Variants in SORT1 observed in about 807,000 individuals in gnomAD.
SORT1 encodes the protein sortilin.
A neutral mutation model predicts 101.7 loss-of-function variants in SORT1; 39 were observed. That is an observed-to-expected ratio of 0.38 (90% CI 0.30 to 0.50). The LOEUF is 0.50. SORT1 is among the 20% of genes least tolerant of loss of function. The probability of loss-of-function intolerance (pLI) is 0.90; values close to 1 mark genes in which losing one functional copy is unlikely to be tolerated. For synonymous variants in SORT1, 396 were observed against 393.7 expected, an observed-to-expected ratio of 1.01 and a Z score of -0.07; for missense variants, 878 against 1,040.4, an observed-to-expected ratio of 0.84 and a Z score of 2.15.
In SORT1 at chr1:109,314,123, G is replaced by A. The variant is rs1570876604; in HGVS notation, c.2482-66C>T. 10 of 1,609,156 alleles carry A rather than the reference G, an allele frequency of 6.2e-6. No individual in the cohort carries two copies. The East Asian group carries it at 2.2e-4, about 36-fold the overall frequency. ...CTCCTATTTCAAAAGCAATCACCTA[G>A]TTTCTGGGCTTGCCAAATCTTATGG... On this transcript the variant is annotated intron_variant, in intron 19 of 19. Coordinates refer to ENST00000256637, the MANE Select transcript of SORT1 (RefSeq NM_002959.7).
chr1:109,372,766 G>C (rs1357412318), intron 1 of SORT1, among the ~76,000 whole-genome samples: 1 of 152,048 alleles, frequency 6.6e-6, no homozygotes, highest in Non-Finnish European at 1.5e-5. Context: ...GGGCGTGGTG[G>C]CGGGCACCTG....
intron 3 of SORT1, among the ~76,000 whole-genome samples, chr1:109,359,139 T>G (rs1650543404): frequency 6.6e-6 from 1 of 152,162 alleles, no homozygotes; most frequent in Non-Finnish European, 1.5e-5. Flanking sequence ...AAGATGAAGG[T>G]GCCAGCAGAT....
At chr1:109,339,888 C>T (rs1225344561) in intron 10 of SORT1, among the ~76,000 whole-genome samples, 2 of 152,190 alleles carry the variant, frequency 1.3e-5, no homozygotes, top group African/African-American at 2.4e-5. Context: ...GTGGCTCACG[C>T]CTGGAATCCC....
chr1:109,331,059 G>A (rs898783389), intron 11 of SORT1, among the ~76,000 whole-genome samples: 2 of 152,086 alleles, frequency 1.3e-5, no homozygotes, highest in South Asian at 2.1e-4. Context: ...AATTAAGACC[G>A]ATCCTTCTCA....
chr1:109,363,412 T>C (rs534345477), intron 3 of SORT1, among the ~76,000 whole-genome samples: 1 of 152,196 alleles, frequency 6.6e-6, no homozygotes, highest in Admixed American at 6.5e-5. Context: ...TATACAAATA[T>C]GATTCCCTTA....
At chr1:109,371,089 T>A (rs1651458311) in intron 1 of SORT1, among the ~76,000 whole-genome samples, 1 of 152,232 alleles carries the variant, frequency 6.6e-6, no homozygotes, top group Non-Finnish European at 1.5e-5. Flanking sequence ...TTACACAATT[T>A]TTGTAAGTTA....
chr1:109,397,045 G>C (rs1653218618), intron 1 of SORT1, among the ~76,000 whole-genome samples: 2 of 152,226 alleles, frequency 1.3e-5, no homozygotes, highest in Non-Finnish European at 2.9e-5. Flanking sequence ...TACCATGACA[G>C]AAGGTCAAAT....
intron 2 of SORT1, chr1:109,368,833 T>C (rs1329773322): frequency 6.6e-6 from 1 of 152,334 alleles, no homozygotes; most frequent in Non-Finnish European, 1.5e-5. Context: ...ACAGGAACAA[T>C]ACAATTTGGA....
chr1:109,395,436 G>A (rs915039472), intron 1 of SORT1, among the ~76,000 whole-genome samples: 3 of 151,776 alleles, frequency 2.0e-5, no homozygotes, highest in Non-Finnish European at 4.4e-5. Flanking sequence ...GGCCAGGCTA[G>A]TCTTGAACTT....
At position 109,310,115 on chromosome 1, in the gene SORT1, G is replaced by C. The variant is rs547103354; in HGVS notation, c.*3928C>G. 2 of 152,420 alleles carry C rather than the reference G, an allele frequency of 1.3e-5. No homozygotes were observed. Among genetic ancestry groups the C allele is most frequent in the African/African-American group, 4.8e-5 (2 of 41,414 alleles). 9.4% of individuals were successfully genotyped at this position (152,420 alleles called of 1,614,324 possible). On this transcript the variant is annotated 3_prime_UTR_variant, in exon 20 of 20. Transcript: ENST00000256637. Reference sequence around the variant, plus strand: ...GATGAGAACTACATTAAGGATCTGGGGCATAGCAATAAATCATTACCATGT... The same window carrying C: ...GATGAGAACTACATTAAGGATCTGGCGCATAGCAATAAATCATTACCATGT...
chr1:109,332,295 A>C (rs1648511430), intron 11 of SORT1, among the ~76,000 whole-genome samples: 2 of 152,234 alleles, frequency 1.3e-5, no homozygotes, highest in African/African-American at 4.8e-5. Flanking sequence ...AGGTACATCA[A>C]GAACAAAACA....
At chr1:109,318,202 G>A (rs998040092) in intron 15 of SORT1, among the ~76,000 whole-genome samples, 50 of 150,022 alleles carry the variant, frequency 3.3e-4, no homozygotes, top group African/African-American at 1.1e-3. Flanking sequence ...CGCCTAGGCT[G>A]GAGTGCAGTG....
At chr1:109,373,027 C>G (rs1049965686) in intron 1 of SORT1, among the ~76,000 whole-genome samples, 2 of 152,022 alleles carry the variant, frequency 1.3e-5, no homozygotes, top group African/African-American at 4.8e-5. Flanking sequence ...TGCACTCTAG[C>G]CTGTGCGACA....
At chr1:109,379,095 A>G (rs993357278) in intron 1 of SORT1, among the ~76,000 whole-genome samples, 7 of 151,802 alleles carry the variant, frequency 4.6e-5, no homozygotes, top group African/African-American at 1.5e-4. Context: ...GTGAGCCGAG[A>G]CTGCGCCACT....
chr1:109,360,818 G>A (rs981158320), intron 3 of SORT1, among the ~76,000 whole-genome samples: 1 of 152,190 alleles, frequency 6.6e-6, no homozygotes, highest in Non-Finnish European at 1.5e-5. Context: ...GGCTTTGGGT[G>A]ATGGTCCCTT....
At chr1:109,334,999 A>C (rs747777716) in intron 11 of SORT1, among the ~76,000 whole-genome samples, 12 of 152,138 alleles carry the variant, frequency 7.9e-5, no homozygotes, top group Non-Finnish European at 1.3e-4. Context: ...AATGAAGAGG[A>C]ATGATTAGCT....
intron 10 of SORT1, among the ~76,000 whole-genome samples, chr1:109,337,999 T>C (rs1227093296): frequency 6.6e-6 from 1 of 152,190 alleles, no homozygotes; most frequent in Admixed American, 6.6e-5. Flanking sequence ...TACATTCCGG[T>C]AGGGCGAGAC....
intron 12 of SORT1, 35 bp downstream of exon 12, chr1:109,327,464 T>C: frequency 7.6e-7 from 1 of 1,322,358 alleles, no homozygotes; most frequent in Non-Finnish European, 1.1e-6. Flanking sequence ...TCAGCCACTG[T>C]TCCAGTTGGA....
chr1:109,361,629 T>C (rs1248279572), intron 3 of SORT1, among the ~76,000 whole-genome samples: 5 of 152,208 alleles, frequency 3.3e-5, no homozygotes, highest in African/African-American at 1.2e-4. Flanking sequence ...AATTATAACA[T>C]AAAAGTAACA....
Sources: gnomAD v4.1 joint callset for allele counts (sites outside exome capture counted in the v4.1 genomes callset) on GRCh38, gnomAD v4.1.1 for gene constraint, MANE v1.5 for transcripts, NCBI Gene and HGNC (gene_info 2026-07-23, HGNC 2026-07-21) for gene names.